Variants in CRPPA observed in about 807,000 individuals in gnomAD.
CRPPA encodes CDP-L-ribitol pyrophosphorylase A, also known as D-ribitol-5-phosphate cytidylyltransferase.
CRPPA carries 43 observed loss-of-function variants against 52.0 expected under a neutral mutation model. The observed-to-expected ratio is 0.83, with a 90% CI of 0.65 to 1.07. The LOEUF is 1.07. CRPPA is among the 50% of genes least tolerant of loss of function. The probability of loss-of-function intolerance (pLI) is 0.00; values close to 1 mark genes in which losing one functional copy is unlikely to be tolerated. For missense variants in CRPPA, 629 were observed against 551.7 expected (o/e 1.14, Z -1.40); for synonymous variants, 250 against 203.5 (o/e 1.23, Z -1.94).
intron 3 of CRPPA, among the ~76,000 whole-genome samples, chr7:16,328,352 C>A (rs747246158): frequency 6.6e-6 from 1 of 152,158 alleles, no homozygotes; most frequent in Non-Finnish European, 1.5e-5. Flanking sequence ...TAACTACATT[C>A]TAAAACTACC....
At chr7:16,270,953 A>G (rs936671934) in intron 6 of CRPPA, among the ~76,000 whole-genome samples, 1 of 152,040 alleles carries the variant, frequency 6.6e-6, no homozygotes. Context: ...ACTGAGGTCT[A>G]TAACAAAAGG....
chr7:16,274,822 G>A lies in CRPPA; in HGVS notation c.933+3307C>T, dbSNP rs114940443. ...ATTATAAATGGCCAGGAGAGCACAC[G>A]AACAATAAAGGGGAGAAAGATTCTG... On this transcript the variant is annotated intron_variant, in intron 6 of 9. Transcript: ENST00000407010. 7.0e-3 allele frequency among the ~76,000 whole-genome samples: 1,060 copies of A among 152,226 alleles called. 12 individuals are homozygous for A. The highest frequency in any genetic ancestry group is 0.024 in the African/African-American group (1,008 of 41,540).
At chr7:16,256,638 T>A in intron 8 of CRPPA, among the ~76,000 whole-genome samples, 1 of 151,986 alleles carries the variant, frequency 6.6e-6, no homozygotes, top group East Asian at 1.9e-4. Context: ...CTAGAAACCA[T>A]CATTCTCAGC....
At chr7:16,382,724 G>T (rs199609323) in intron 2 of CRPPA, among the ~76,000 whole-genome samples, 23,923 of 150,772 alleles carry the variant, frequency 0.16, 2,837 homozygotes, top group African/African-American at 0.33. Context: ...CTTCCCTTCT[G>T]GCTTCATTTC....
chr7:16,263,447 C>G (rs1198800708), intron 6 of CRPPA, among the ~76,000 whole-genome samples: 1 of 152,130 alleles, frequency 6.6e-6, no homozygotes, highest in Admixed American at 6.5e-5. Context: ...GTAAGATATA[C>G]ACTCTTAGAA....
chr7:16,404,236 C>T (rs1321861703), intron 2 of CRPPA, among the ~76,000 whole-genome samples: 1 of 152,102 alleles, frequency 6.6e-6, no homozygotes, highest in Non-Finnish European at 1.5e-5. Context: ...TGTTCTGAAC[C>T]AGCTTCTTAA....
chr7:16,117,825 C>T (rs115593417), intron 9 of CRPPA, among the ~76,000 whole-genome samples: 2,036 of 152,270 alleles, frequency 0.013, 49 homozygotes, highest in African/African-American at 0.047. Flanking sequence ...CCATACACGT[C>T]AGTTCCAGAG....
In CRPPA at chr7:16,099,053, T is replaced by C. The variant is rs140540473; in HGVS notation, c.1252-7254A>G. 2.9e-3 allele frequency among the ~76,000 whole-genome samples: 436 copies of C among 152,120 alleles called. 2 individuals are homozygous for C. The highest frequency in any genetic ancestry group is 9.8e-3 in the African/African-American group (408 of 41,508). ...CTAGAAACAGGGCCTTACAATACAG[T>C]AGGAATTCAATAACTGTTTTGGAAA... On this transcript the variant is annotated intron_variant, in intron 9 of 9. Coordinates refer to ENST00000407010, the MANE Select transcript of CRPPA (RefSeq NM_001101426.4).
At chr7:16,291,410 T>C (rs1583496382) in intron 5 of CRPPA, among the ~76,000 whole-genome samples, 1 of 151,898 alleles carries the variant, frequency 6.6e-6, no homozygotes, top group Admixed American at 6.6e-5. Flanking sequence ...GTCATAAAAA[T>C]GAATGAAATT....
chr7:16,296,860 G>T (rs1183721587), intron 5 of CRPPA, among the ~76,000 whole-genome samples: 2 of 152,144 alleles, frequency 1.3e-5, no homozygotes, highest in Non-Finnish European at 2.9e-5. Flanking sequence ...CTTTCTAGAA[G>T]ACTGTACTAT....
intron 2 of CRPPA, among the ~76,000 whole-genome samples, chr7:16,389,248 G>T (rs1448050031): frequency 6.6e-6 from 1 of 152,152 alleles, no homozygotes; most frequent in Admixed American, 6.5e-5. Context: ...AACTCATTCT[G>T]TAAGACCAGT....
At chr7:16,300,942 C>T (rs1171125999) in intron 5 of CRPPA, among the ~76,000 whole-genome samples, 4 of 152,140 alleles carry the variant, frequency 2.6e-5, no homozygotes, top group Admixed American at 2.6e-4. Flanking sequence ...TCTACAATTA[C>T]AAAATTGCAG....
rs139136913 is a variant in CRPPA, at chr7:16,201,686, G to A, written c.1251+14380C>T. Among the ~76,000 whole-genome samples, 369 of 152,204 alleles carry A rather than the reference G, an allele frequency of 2.4e-3. 4 individuals carry two copies. Among genetic ancestry groups the A allele is most frequent in the East Asian group, 0.018 (92 of 5,164 alleles). ...TGAAAGAGTTGTAACACTCCTGCTC[G>A]CTGAGCTGCAGGGCAGTGGGAATTA... On this transcript the variant is annotated intron_variant, in intron 9 of 9. Transcript: ENST00000407010.
intron 4 of CRPPA, among the ~76,000 whole-genome samples, chr7:16,303,499 A>AAAAAAAAAAAAAC (rs1562619571): frequency 6.7e-6 from 1 of 148,368 alleles, no homozygotes; most frequent in African/African-American, 2.5e-5. Context: ...AAAAAAAAAA[A>AAAAAAAAAAAAAC]AAAACTTTCA....
intron 9 of CRPPA, among the ~76,000 whole-genome samples, chr7:16,105,730 C>T (rs866924855): frequency 4.6e-5 from 7 of 152,030 alleles, no homozygotes; most frequent in Admixed American, 1.3e-4. Context: ...TCCTAGACAT[C>T]GTAAGTCATC....
chr7:16,150,558 A>C (rs1186351289), intron 9 of CRPPA, among the ~76,000 whole-genome samples: 2 of 152,218 alleles, frequency 1.3e-5, no homozygotes, highest in African/African-American at 2.4e-5. Flanking sequence ...CAGGAAATCC[A>C]TGCTATTTTG....
At chr7:16,185,542 G>C (rs761844824) in intron 9 of CRPPA, among the ~76,000 whole-genome samples, 2 of 152,168 alleles carry the variant, frequency 1.3e-5, no homozygotes, top group Non-Finnish European at 2.9e-5. Flanking sequence ...CAATATTTTT[G>C]TGTGTGGCTC....
At chr7:16,349,831 A>C (rs1016307115) in intron 3 of CRPPA, among the ~76,000 whole-genome samples, 1 of 152,170 alleles carries the variant, frequency 6.6e-6, no homozygotes, top group Non-Finnish European at 1.5e-5. Flanking sequence ...GAAGAAACAT[A>C]AAACATATTG....
chr7:16,245,976 G>A (rs1951262823), intron 8 of CRPPA, among the ~76,000 whole-genome samples: 1 of 151,864 alleles, frequency 6.6e-6, no homozygotes, highest in African/African-American at 2.4e-5. Flanking sequence ...GCTCAAGGTT[G>A]GGTGGATGTG....
Sources: allele counts gnomAD v4.1 joint callset (sites outside exome capture counted in the v4.1 genomes callset), GRCh38; gene constraint gnomAD v4.1.1; transcripts MANE v1.5; gene names NCBI Gene and HGNC (gene_info 2026-07-23, HGNC 2026-07-21).